Variants in RIC1 observed in about 807,000 individuals in gnomAD.
RIC1 encodes the protein RIC1 partner of RAB6A GEF complex, also known as guanine nucleotide exchange factor subunit RIC1.
A neutral mutation model predicts 169.0 loss-of-function variants in RIC1; 88 were observed. The ratio of observed to expected loss-of-function variants is 0.52; its 90% CI spans 0.44 to 0.62. The LOEUF (loss-of-function observed/expected upper bound fraction) is 0.62. Ranked by LOEUF, RIC1 falls within the 20% of genes least tolerant of loss-of-function variation. The pLI, the probability that RIC1 is intolerant of heterozygous loss-of-function variation, is 0.00. For missense variants in RIC1, 1,877 were observed against 1,725.5 expected (o/e 1.09, Z -1.56); for synonymous variants, 790 against 601.5 (o/e 1.31, Z -4.59).
rs373212713 is a variant in RIC1, at chr9:5,726,888, A to C, written c.721-5500A>C. On this transcript the variant is annotated intron_variant, in intron 6 of 25. Transcript: ENST00000414202. The stretch of plus-strand genomic sequence containing the variant: ...AGAATGTTGAATATTGGCCCCCACT[A>C]TCTTCTGGCTTGTAGAGTTTCTGCT... 3.3e-5 allele frequency among the ~76,000 whole-genome samples: 5 copies of C among 152,290 alleles called. No homozygotes were observed. The South Asian group carries it at 6.2e-4, about 19-fold the overall frequency.
intron 3 of RIC1, among the ~76,000 whole-genome samples, chr9:5,700,064 G>C (rs1011491691): frequency 2.0e-4 from 29 of 142,544 alleles, no homozygotes; most frequent in African/African-American, 7.7e-4. Context: ...CAGGGTCATC[G>C]TTCCATGGGC....
At position 5,738,544 on chromosome 9, in the gene RIC1, T is replaced by TTTTA; in HGVS notation, c.901+6_901+7insTTTA. The TTTTA allele has an allele frequency of 7.7e-7, 1 of 1,292,824 alleles. No individual in the cohort carries two copies. The highest frequency in any genetic ancestry group is 1.0e-6 in the Non-Finnish European group (1 of 972,382). 80.1% of individuals were successfully genotyped at this position (1,292,824 alleles called of 1,614,324 possible). The stretch of plus-strand genomic sequence containing the variant: ...AACAGCAAAACAGTATCCTGGTGAG[T>TTTTA]CTTTTTTTTTTTTTTTTTTTTTAAC... On this transcript the variant is annotated splice_region_variant and intron_variant, in intron 8 of 25. Coordinates refer to ENST00000414202, the MANE Select transcript of RIC1 (RefSeq NM_020829.4).
chr9:5,658,258 A>T (rs1043899479), intron 2 of RIC1, among the ~76,000 whole-genome samples: 1 of 152,130 alleles, frequency 6.6e-6, no homozygotes. Flanking sequence ...TTATTATTCA[A>T]TGGCACTATA....
chr9:5,745,281 AT>A (rs1483826122), intron 10 of RIC1, among the ~76,000 whole-genome samples: 1 of 152,100 alleles, frequency 6.6e-6, no homozygotes, highest in Non-Finnish European at 1.5e-5. Context: ...CCCCTTCACC[AT>A]TTTCTTGGCT....
chr9:5,748,920 T>A (rs1467419631), intron 12 of RIC1, among the ~76,000 whole-genome samples: 1 of 152,226 alleles, frequency 6.6e-6, no homozygotes, highest in African/African-American at 2.4e-5. Flanking sequence ...TTTAGACAGA[T>A]GAACTTTTAA....
intron 1 of RIC1, among the ~76,000 whole-genome samples, chr9:5,632,353 G>A (rs1044981979): frequency 7.9e-5 from 12 of 152,138 alleles, no homozygotes; most frequent in African/African-American, 2.9e-4. Flanking sequence ...ATCTCTAACT[G>A]TACATTATAT....
chr9:5,742,991 T>A lies in RIC1; in HGVS notation c.1024T>A (p.Cys342Ser), dbSNP rs1280682032. The change falls in exon 9 of 26, where the codon TGT becomes AGT. Residue 342 changes from cysteine to serine, a missense_variant. Cys to Ser is a moderately radical substitution (Grantham distance 112). Transcript: ENST00000414202. ...LWSVFGAQLI[C>S]TLGGDFAYRS... The stretch of plus-strand genomic sequence containing the variant: ...GAGTGTTTTTGGAGCACAGCTGATT[T>A]GTACACTTGGAGGAGATTTTGCGTA... 1 of 1,610,868 alleles carries A rather than the reference T, an allele frequency of 6.2e-7. No individual in the cohort carries two copies. The highest frequency in any genetic ancestry group is 1.1e-5 in the South Asian group (1 of 89,904).
chr9:5,682,953 C>T (rs964929380), intron 2 of RIC1, among the ~76,000 whole-genome samples: 1 of 152,206 alleles, frequency 6.6e-6, no homozygotes, highest in South Asian at 2.1e-4. Context: ...CAGTTGATCG[C>T]ATCGGCTACT....
chr9:5,716,695 C>G (rs147266157), intron 4 of RIC1, among the ~76,000 whole-genome samples: 1 of 152,174 alleles, frequency 6.6e-6, no homozygotes, highest in Admixed American at 6.5e-5. Flanking sequence ...CGCCCTACTA[C>G]GCCAATAATG....
intron 14 of RIC1, among the ~76,000 whole-genome samples, 166 bp downstream of exon 14, chr9:5,753,812 A>G (rs1825852672): frequency 6.6e-6 from 1 of 152,218 alleles, no homozygotes; most frequent in South Asian, 2.1e-4. Context: ...TGATTCTGAT[A>G]AAATACTTGA....
intron 4 of RIC1, among the ~76,000 whole-genome samples, chr9:5,715,320 A>C (rs35312919): frequency 6.6e-6 from 1 of 152,168 alleles, no homozygotes; most frequent in Non-Finnish European, 1.5e-5. Context: ...TGTATGGTGC[A>C]TGGAAATAGA....
intron 14 of RIC1, among the ~76,000 whole-genome samples, chr9:5,754,369 A>G (rs1161226750): frequency 2.0e-5 from 3 of 152,232 alleles, no homozygotes; most frequent in East Asian, 3.8e-4. Flanking sequence ...TAAATAGGAT[A>G]TGGATCATTA....
chr9:5,631,052 A>G (rs538774933), intron 1 of RIC1, among the ~76,000 whole-genome samples: 4 of 152,352 alleles, frequency 2.6e-5, no homozygotes, highest in Admixed American at 6.5e-5. Context: ...AGTAAACAAT[A>G]TGACCTATGA....
rs1258188483 is a variant in RIC1, at chr9:5,629,366, C to T, written c.57C>T (p.Ala19=). 4 of 1,534,342 alleles carry T rather than the reference C, an allele frequency of 2.6e-6. No homozygotes were observed. The highest frequency in any genetic ancestry group is 3.5e-6 in the Non-Finnish European group (4 of 1,146,284). The change falls in exon 1 of 26, where the codon GCC becomes GCT. Residue 19 remains alanine (A), a synonymous_variant. Coordinates refer to ENST00000414202, the MANE Select transcript of RIC1 (RefSeq NM_020829.4). ...KRLLCPLGSP[A]EAPFHVQSDP... Reference sequence around the variant, plus strand: ...TGCTGTGCCCTCTGGGGAGCCCGGCCGAGGCGCCTTTCCACGTTCAGTCCG... The same window carrying T: ...TGCTGTGCCCTCTGGGGAGCCCGGCTGAGGCGCCTTTCCACGTTCAGTCCG...
intron 6 of RIC1, among the ~76,000 whole-genome samples, chr9:5,731,890 A>G (rs1240896843): frequency 6.6e-6 from 1 of 152,180 alleles, no homozygotes; most frequent in Admixed American, 6.5e-5. Flanking sequence ...ATACCATGCT[A>G]TTAACCATTA....
chr9:5,663,541 C>T (rs550285085), intron 2 of RIC1, among the ~76,000 whole-genome samples: 34 of 152,030 alleles, frequency 2.2e-4, no homozygotes, highest in South Asian at 1.3e-3. Context: ...GGATATTTGG[C>T]GCTTATTAAA....
intron 12 of RIC1, among the ~76,000 whole-genome samples, chr9:5,749,314 C>A (rs983231025): frequency 6.6e-6 from 1 of 152,218 alleles, no homozygotes; most frequent in African/African-American, 2.4e-5. Context: ...CGCTGGCACT[C>A]CAGCTACATG....
intron 6 of RIC1, among the ~76,000 whole-genome samples, chr9:5,731,312 C>T (rs559328426): frequency 2.6e-5 from 4 of 152,020 alleles, no homozygotes; most frequent in Non-Finnish European, 5.9e-5. Flanking sequence ...AAATAATGCT[C>T]ACTGCTGTCT....
intron 23 of RIC1, among the ~76,000 whole-genome samples, chr9:5,770,881 G>GT (rs971641639): frequency 6.6e-6 from 1 of 152,138 alleles, no homozygotes; most frequent in African/African-American, 2.4e-5. Flanking sequence ...AACTGAAGAG[G>GT]TTTTGAAGCA....
Sources: gnomAD v4.1 joint callset for allele counts (sites outside exome capture counted in the v4.1 genomes callset) on GRCh38, gnomAD v4.1.1 for gene constraint, MANE v1.5 for transcripts, NCBI Gene and HGNC (gene_info 2026-07-23, HGNC 2026-07-21) for gene names.